The following GAB1 variants were observed in gnomAD, a reference collection of about 807,000 sequenced individuals.
GAB1 encodes GRB2 associated binding protein 1, also known as GRB2-associated-binding protein 1.
In GAB1, 19 loss-of-function variants were observed where a neutral mutation model predicts 66.5. That is an observed-to-expected ratio of 0.29 (90% confidence interval 0.20 to 0.42). The LOEUF is 0.42. Among genes scored for constraint, GAB1 ranks in the 10% least tolerant of loss-of-function variants. The pLI is 1.00. For synonymous variants in GAB1, 294 were observed against 301.4 expected, an observed-to-expected ratio of 0.98 and a Z score of 0.25; for missense variants, 732 against 858.5, an observed-to-expected ratio of 0.85 and a Z score of 1.84.
intron 1 of GAB1, among the ~76,000 whole-genome samples, chr4:143,390,112 C>G (rs1277174374): frequency 6.6e-6 from 1 of 152,088 alleles, no homozygotes; most frequent in Non-Finnish European, 1.5e-5. Context: ...AGTGCTGGTT[C>G]GAGGTACAGA....
intron 1 of GAB1, among the ~76,000 whole-genome samples, chr4:143,414,187 G>A (rs1389983490): frequency 6.6e-6 from 1 of 152,082 alleles, no homozygotes; most frequent in Non-Finnish European, 1.5e-5. Flanking sequence ...ATGTTTCTTA[G>A]TAAATGACTG....
At chr4:143,375,022 A>G (rs193270994) in intron 1 of GAB1, among the ~76,000 whole-genome samples, 4 of 152,312 alleles carry the variant, frequency 2.6e-5, no homozygotes, top group Non-Finnish European at 5.9e-5. Context: ...ATCCTGGCTC[A>G]CTGCAACCTC....
At chr4:143,466,342 G>A in intron 9 of GAB1, 117 bp downstream of exon 9, 1 of 964,288 alleles carries the variant, frequency 1.0e-6, no homozygotes, top group East Asian at 2.9e-5. Context: ...ATTTAGTCTG[G>A]TCTGCTACTT....
rs564737196 is a variant in GAB1, at chr4:143,459,961, T to C, written c.1680-403T>C. The stretch of plus-strand genomic sequence containing the variant: ...TATTTAACCGAGACTTATTTAAATG[T>C]ATATAGGGAATTGAGAGGAATTTAT... On this transcript the variant is annotated intron_variant, in intron 7 of 9. Coordinates refer to ENST00000262994, the MANE Select transcript of GAB1 (RefSeq NM_002039.4). 2.0e-5 allele frequency among the ~76,000 whole-genome samples: 3 copies of C among 152,262 alleles called. No individual in the cohort carries two copies. The East Asian group carries it at 5.8e-4, about 29-fold the overall frequency.
chr4:143,380,976 A>G (rs913791608), intron 1 of GAB1, among the ~76,000 whole-genome samples: 1 of 152,150 alleles, frequency 6.6e-6, no homozygotes, highest in Non-Finnish European at 1.5e-5. Flanking sequence ...TGTTCTTCCC[A>G]GTAGTTCAAA....
At chr4:143,445,489 C>G (rs1173327351) in intron 6 of GAB1, among the ~76,000 whole-genome samples, 1 of 152,008 alleles carries the variant, frequency 6.6e-6, no homozygotes, top group Non-Finnish European at 1.5e-5. Context: ...TGGATATTAC[C>G]TCTTTCTCAG....
intron 8 of GAB1, among the ~76,000 whole-genome samples, chr4:143,465,054 T>C (rs1240891911): frequency 6.6e-6 from 1 of 152,186 alleles, no homozygotes; most frequent in Non-Finnish European, 1.5e-5. Context: ...AAGGATGAAA[T>C]TCCCTAATGA....
chr4:143,468,755 C>G (rs1371684752), intron 9 of GAB1, among the ~76,000 whole-genome samples: 2 of 151,780 alleles, frequency 1.3e-5, no homozygotes, highest in Admixed American at 1.3e-4. Context: ...GAAACCACAT[C>G]TCTACTAAAA....
chr4:143,337,505 G>T (rs948498906), intron 1 of GAB1, among the ~76,000 whole-genome samples: 1 of 152,200 alleles, frequency 6.6e-6, no homozygotes, highest in African/African-American at 2.4e-5. Context: ...TTGCGGGCCT[G>T]TTCGCCCCAT....
At position 143,390,597 on chromosome 4, in the gene GAB1, A is replaced by G. The variant is rs974422466; in HGVS notation, c.73-24880A>G. Among the ~76,000 whole-genome samples the G allele has an allele frequency of 1.1e-4, 16 of 152,270 alleles. No individual in the cohort carries two copies. In the East Asian group the frequency reaches 2.7e-3, roughly 26 times the overall value. ...GTACTTTCCTCAGAGACTCATTAAT[A>G]AGATAATTCATGTAAAACACCCAGA... On this transcript the variant is annotated intron_variant, in intron 1 of 9. Coordinates refer to ENST00000262994, the MANE Select transcript of GAB1 (RefSeq NM_002039.4).
chr4:143,387,188 A>G (rs956415708), intron 1 of GAB1, among the ~76,000 whole-genome samples: 18 of 152,188 alleles, frequency 1.2e-4, no homozygotes, highest in African/African-American at 3.9e-4. Context: ...CTGGAATGCA[A>G]TGATGCTATC....
intron 1 of GAB1, among the ~76,000 whole-genome samples, chr4:143,376,110 C>T (rs973284491): frequency 6.6e-6 from 1 of 151,716 alleles, no homozygotes; most frequent in Non-Finnish European, 1.5e-5. Flanking sequence ...AGCACCCCTC[C>T]CCAACCCCCT....
At chr4:143,431,472 T>G (rs1733648333) in intron 2 of GAB1, among the ~76,000 whole-genome samples, 1 of 152,232 alleles carries the variant, frequency 6.6e-6, no homozygotes, top group African/African-American at 2.4e-5. Flanking sequence ...CCACTTTTAA[T>G]TAAGCTGAGT....
intron 1 of GAB1, chr4:143,349,416 G>A: frequency 9.3e-7 from 1 of 1,079,442 alleles, no homozygotes; most frequent in Non-Finnish European, 1.4e-6. Flanking sequence ...GATAGCTGTA[G>A]GTCTTAGAAA....
chr4:143,403,948 A>C (rs1442192494), intron 1 of GAB1, among the ~76,000 whole-genome samples: 1 of 152,204 alleles, frequency 6.6e-6, no homozygotes, highest in Non-Finnish European at 1.5e-5. Flanking sequence ...GGCTTTTTAC[A>C]TATAAATCTA....
intron 1 of GAB1, chr4:143,349,627 G>A (rs1729113582): frequency 6.8e-7 from 1 of 1,464,502 alleles, no homozygotes; most frequent in African/African-American, 1.4e-5. Flanking sequence ...GACGGTGTGG[G>A]GCTTGCCGAT....
chr4:143,360,475 CT>C (rs921078890), intron 1 of GAB1, among the ~76,000 whole-genome samples: 30 of 152,136 alleles, frequency 2.0e-4, no homozygotes, highest in African/African-American at 5.5e-4. Context: ...AGATTGAGAT[CT>C]TTAAAGGACA....
At chr4:143,413,618 T>TAGAG (rs1732510652) in intron 1 of GAB1, among the ~76,000 whole-genome samples, 1 of 152,198 alleles carries the variant, frequency 6.6e-6, no homozygotes, top group African/African-American at 2.4e-5. Context: ...GCAATACCTC[T>TAGAG]GCAGACATTT....
intron 1 of GAB1, among the ~76,000 whole-genome samples, chr4:143,368,104 G>A (rs1408129944): frequency 1.3e-5 from 2 of 151,646 alleles, no homozygotes; most frequent in East Asian, 3.9e-4. Flanking sequence ...TTTGATCGTG[G>A]ACTAGTATTT....
Sources: gnomAD v4.1 joint callset for allele counts (sites outside exome capture counted in the v4.1 genomes callset) on GRCh38, gnomAD v4.1.1 for gene constraint, MANE v1.5 for transcripts, NCBI Gene and HGNC (gene_info 2026-07-23, HGNC 2026-07-21) for gene names.